Variants in TNFRSF8 observed in about 807,000 individuals in gnomAD.
The protein encoded by TNFRSF8 is TNF receptor superfamily member 8, also known as tumor necrosis factor receptor superfamily member 8.
Under a neutral mutation model 70.8 loss-of-function variants are expected in TNFRSF8, and 26 were observed. That is an observed-to-expected ratio of 0.37 (90% CI 0.27 to 0.51). The LOEUF (loss-of-function observed/expected upper bound fraction) is 0.51, where lower values mean the gene tolerates loss of function less well. Among genes scored for constraint, TNFRSF8 ranks in the 20% least tolerant of loss-of-function variants. The pLI, the probability that TNFRSF8 is intolerant of heterozygous loss-of-function variation, is 0.94. For synonymous variants in TNFRSF8, 356 were observed against 339.2 expected, an observed-to-expected ratio of 1.05 and a Z score of -0.54; for missense variants, 720 against 807.9, an observed-to-expected ratio of 0.89 and a Z score of 1.32.
chr1:12,083,011 A>G (rs1258396359), intron 1 of TNFRSF8, among the ~76,000 whole-genome samples: 1 of 152,248 alleles, frequency 6.6e-6, no homozygotes, highest in Non-Finnish European at 1.5e-5. Context: ...CTGAATAGGC[A>G]TCTTACAAAA....
chr1:12,110,885 G>A lies in TNFRSF8; in HGVS notation c.676+681G>A, dbSNP rs1641618056. ...AGTGCTGGGAGGATTACAGGCGTGA[G>A]CCACCGCGCCCAACCTAGTCCCATT... On this transcript the variant is annotated intron_variant, in intron 6 of 14. Coordinates refer to ENST00000263932, the MANE Select transcript of TNFRSF8 (RefSeq NM_001243.5). The surrounding 1 kb of genome is among the most constrained non-coding windows in gnomAD (Gnocchi z 4.0). 6.6e-6 allele frequency among the ~76,000 whole-genome samples: 1 copy of A among 152,116 alleles called. No homozygotes were observed. Among genetic ancestry groups the A allele is most frequent in the Non-Finnish European group, 1.5e-5 (1 of 68,022 alleles).
intron 8 of TNFRSF8, among the ~76,000 whole-genome samples, chr1:12,122,534 C>T (rs1234138337): frequency 6.6e-6 from 1 of 151,794 alleles, no homozygotes; most frequent in African/African-American, 2.4e-5. Context: ...GTAATCCCAG[C>T]TACTCAGGAG....
Position 12,088,889 on chromosome 1 carries a change from C to T in TNFRSF8, c.151+4338C>T, listed in dbSNP as rs192021506. Among the ~76,000 whole-genome samples, 62 of 152,316 alleles carry T rather than the reference C, an allele frequency of 4.1e-4. 1 individual carries two copies. In the East Asian group the frequency reaches 9.1e-3, roughly 22 times the overall value. On this transcript the variant is annotated intron_variant, in intron 2 of 14. Transcript: ENST00000263932. The surrounding 1 kb of genome is among the most constrained non-coding windows in gnomAD (Gnocchi z 4.0). ...CTGCCCCTGCCGCCTCCCCCTCCCCCGCCCAGTCCCTCTTCATCCTGGGCT... is the reference window on the plus strand; with the variant it reads ...CTGCCCCTGCCGCCTCCCCCTCCCCTGCCCAGTCCCTCTTCATCCTGGGCT...
chr1:12,142,716 GT>G lies in TNFRSF8; in HGVS notation c.*186del. ...CTCTGCTTGCATCCCCAACTTAGCT[GT>G]CCCCTGACCCAGAGCCTAGGGGATC... On this transcript the variant is annotated 3_prime_UTR_variant, in exon 15 of 15. Coordinates refer to ENST00000263932, the MANE Select transcript of TNFRSF8 (RefSeq NM_001243.5). The surrounding 1 kb of genome is among the most constrained non-coding windows in gnomAD (Gnocchi z 5.0). The G allele has an allele frequency of 1.3e-6, 1 of 757,310 alleles. No individual in the cohort carries two copies. Among genetic ancestry groups the G allele is most frequent in the South Asian group, 1.9e-5 (1 of 52,164 alleles). 46.9% of individuals were successfully genotyped at this position (757,310 alleles called of 1,614,324 possible).
chr1:12,073,874 G>A (rs573638699), intron 1 of TNFRSF8, among the ~76,000 whole-genome samples: 14 of 152,162 alleles, frequency 9.2e-5, no homozygotes, highest in African/African-American at 3.4e-4. Context: ...GGGACTTCAG[G>A]TGGGAGCCAC....
chr1:12,065,864 G>A (rs1640731122), intron 1 of TNFRSF8, among the ~76,000 whole-genome samples: 1 of 152,100 alleles, frequency 6.6e-6, no homozygotes, highest in Admixed American at 6.6e-5. Flanking sequence ...GCCCTATATG[G>A]ATGCTTTTGG....
chr1:12,072,052 C>T (rs1306205817), intron 1 of TNFRSF8, among the ~76,000 whole-genome samples: 2 of 152,140 alleles, frequency 1.3e-5, no homozygotes, highest in Non-Finnish European at 2.9e-5. Context: ...AAGGTTATCC[C>T]TTGCTTCTGA....
intron 1 of TNFRSF8, among the ~76,000 whole-genome samples, chr1:12,079,582 C>T (rs1641027441): frequency 6.6e-6 from 1 of 152,244 alleles, no homozygotes; most frequent in Non-Finnish European, 1.5e-5. Context: ...CCTCCTTCTC[C>T]ACCGGGAGCT....
In TNFRSF8 at chr1:12,142,504, C is replaced by T; in HGVS notation, c.1761C>T (p.Pro587=). The change falls in exon 15 of 15, where the codon CCC becomes CCT. Residue 587 remains proline (P), a synonymous_variant. Transcript: ENST00000263932. The surrounding 1 kb of genome is among the most constrained non-coding windows in gnomAD (Gnocchi z 5.0). ...LSVEEEGKED[P]LPTAASGK ...TGGAAGAGGAAGGGAAAGAAGACCC[C>T]TTGCCCACAGCTGCCTCTGGAAAGT... 7 of 1,582,096 alleles carry T rather than the reference C, an allele frequency of 4.4e-6. No homozygotes were observed. Among genetic ancestry groups the T allele is most frequent in the Non-Finnish European group, 6.0e-6 (7 of 1,164,222 alleles).
intron 12 of TNFRSF8, among the ~76,000 whole-genome samples, chr1:12,131,936 GGC>G (rs752787246): frequency 5.3e-5 from 8 of 152,012 alleles, no homozygotes; most frequent in African/African-American, 9.7e-5. Flanking sequence ...TGGGATTATA[GGC>G]GCGCGCCACC....
In TNFRSF8 at chr1:12,123,769, C is replaced by T; in HGVS notation, c.1095C>T (p.Pro365=). The T allele has an allele frequency of 1.3e-6, 2 of 1,580,950 alleles. No individual in the cohort carries two copies. The highest frequency in any genetic ancestry group is 1.7e-6 in the Non-Finnish European group (2 of 1,163,010). ...LVDSQASKTL[P]IPTSAPVALS... ...ACTCCCAGGCCAGTAAGACGCTGCC[C>T]ATCCCAACCAGCGCTCCCGTCGCTC... The change falls in exon 10 of 15, where the codon CCC becomes CCT. Residue 365 remains proline (P), a synonymous_variant. Coordinates refer to ENST00000263932, the MANE Select transcript of TNFRSF8 (RefSeq NM_001243.5).
chr1:12,078,313 C>G (rs367844144), intron 1 of TNFRSF8, among the ~76,000 whole-genome samples: 2 of 152,150 alleles, frequency 1.3e-5, no homozygotes, highest in African/African-American at 4.8e-5. Context: ...CCTGTAATCC[C>G]AGCACTTTGG....
rs370515688 is a variant in TNFRSF8 at position 12,123,388 on chromosome 1, C to T, written c.1040+11C>T. ...CGAGGCGCCTGCCAGGTGACTCCCC[C>T]ACCCCTTCTCTCTGTTTGGCTGCTG... On this transcript the variant is annotated intron_variant, in intron 9 of 14. Coordinates refer to ENST00000263932, the MANE Select transcript of TNFRSF8 (RefSeq NM_001243.5). 3 of 1,597,768 alleles carry T rather than the reference C, an allele frequency of 1.9e-6. No individual in the cohort carries two copies. The highest frequency in any genetic ancestry group is 2.7e-5 in the African/African-American group (2 of 74,716).
Position 12,119,330 on chromosome 1 carries a change from C to T in TNFRSF8, c.946+3601C>T, listed in dbSNP as rs1019207875. 6.6e-6 allele frequency among the ~76,000 whole-genome samples: 1 copy of T among 152,184 alleles called. No homozygotes were observed. The highest frequency in any genetic ancestry group is 2.4e-5 in the African/African-American group (1 of 41,440). ...CACAGGTCTTTGGCACCCCAAAGTG[C>T]TCCAGGCGTCTCCCCCACAGTGGCA... On this transcript the variant is annotated intron_variant, in intron 8 of 14. Coordinates refer to ENST00000263932, the MANE Select transcript of TNFRSF8 (RefSeq NM_001243.5). This position sits in a 1 kb window ranked among gnomAD's most constrained non-coding sequence, Gnocchi z 4.4.
intron 2 of TNFRSF8, among the ~76,000 whole-genome samples, chr1:12,086,002 C>T (rs1641146946): frequency 6.6e-6 from 1 of 152,192 alleles, no homozygotes; most frequent in Non-Finnish European, 1.5e-5. Context: ...CCACTTCTTG[C>T]TTTGAGGACA....
chr1:12,098,406 C>T (rs1380359269), intron 3 of TNFRSF8, among the ~76,000 whole-genome samples: 1 of 151,984 alleles, frequency 6.6e-6, no homozygotes, highest in Admixed American at 6.6e-5. Context: ...CATTGCCCTC[C>T]CCAGCCCTCC....
chr1:12,131,086 C>A (rs1642039551), intron 12 of TNFRSF8, among the ~76,000 whole-genome samples: 1 of 152,194 alleles, frequency 6.6e-6, no homozygotes, highest in African/African-American at 2.4e-5. Flanking sequence ...CCATCCTGGG[C>A]TTTTCCTGAA....
At chr1:12,129,374 T>A (rs1448121740) in intron 12 of TNFRSF8, among the ~76,000 whole-genome samples, 1 of 152,208 alleles carries the variant, frequency 6.6e-6, no homozygotes, top group Non-Finnish European at 1.5e-5. Flanking sequence ...TTTTACACGA[T>A]GTGGTAAGGA....
At chr1:12,086,918 G>C (rs944695217) in intron 2 of TNFRSF8, among the ~76,000 whole-genome samples, 1 of 151,994 alleles carries the variant, frequency 6.6e-6, no homozygotes, top group East Asian at 1.9e-4. Flanking sequence ...GTCACACTGG[G>C]GTTAGGGTTT....
Sources: allele counts gnomAD v4.1 joint callset (sites outside exome capture counted in the v4.1 genomes callset), GRCh38; gene constraint gnomAD v4.1.1; non-coding constraint Gnocchi (gnomAD v3.1); transcripts MANE v1.5; gene names NCBI Gene and HGNC (gene_info 2026-07-23, HGNC 2026-07-21).